Variants in ZNF821 observed in about 807,000 individuals in gnomAD.
ZNF821 encodes the protein zinc finger protein 821.
Under a neutral mutation model 44.3 loss-of-function variants are expected in ZNF821, and 16 were observed. The ratio of observed to expected loss-of-function variants is 0.36; its 90% CI spans 0.24 to 0.55. The LOEUF is 0.55. Ranked by LOEUF, ZNF821 falls within the 20% of genes least tolerant of loss-of-function variation. The probability of loss-of-function intolerance (pLI) is 0.86; values close to 1 mark genes in which losing one functional copy is unlikely to be tolerated. For synonymous variants in ZNF821, 204 were observed against 197.6 expected, an observed-to-expected ratio of 1.03 and a Z score of -0.27; for missense variants, 436 against 547.6, an observed-to-expected ratio of 0.80 and a Z score of 2.03.
At chr16:71,881,634 T>G (rs1187756874) in intron 2 of ZNF821, 4 of 152,272 alleles carry the variant, frequency 2.6e-5, no homozygotes, top group Non-Finnish European at 5.9e-5. Context: ...TATATGTGTG[T>G]GGAATCACCA....
At chr16:71,861,291 T>C (rs1207769126) in intron 7 of ZNF821, among the ~76,000 whole-genome samples, 1 of 152,230 alleles carries the variant, frequency 6.6e-6, no homozygotes, top group East Asian at 1.9e-4. Flanking sequence ...GCAGGGGCAG[T>C]CCTGCTGTGG....
upstream of ZNF821, among the ~76,000 whole-genome samples, chr16:71,889,119 T>G (rs560087190): frequency 1.7e-4 from 26 of 152,250 alleles, no homozygotes; most frequent in Non-Finnish European, 1.2e-4. Flanking sequence ...CATGGTGGCA[T>G]GTACCTGTAG....
intron 4 of ZNF821, 26 bp from the exon 5 acceptor site, chr16:71,865,074 T>C: frequency 6.2e-7 from 1 of 1,614,020 alleles, no homozygotes; most frequent in Non-Finnish European, 8.5e-7. Flanking sequence ...TGGTCACTTG[T>C]TCTGATTTTT....
chr16:71,870,911 T>C (rs1201254086), intron 3 of ZNF821, among the ~76,000 whole-genome samples: 2 of 152,198 alleles, frequency 1.3e-5, no homozygotes, highest in African/African-American at 4.8e-5. Flanking sequence ...AAGACCTTTC[T>C]CATCAGTGAT....
upstream of ZNF821, among the ~76,000 whole-genome samples, chr16:71,889,724 A>G (rs2036875609): frequency 6.6e-6 from 1 of 152,024 alleles, no homozygotes; most frequent in Admixed American, 6.6e-5. Flanking sequence ...AAACAAAAGA[A>G]AACCCGAAAA....
chr16:71,867,789 G>A, intron 4 of ZNF821, 123 bp downstream of exon 4: 1 of 1,323,390 alleles, frequency 7.6e-7, no homozygotes, highest in Non-Finnish European at 1.0e-6. Flanking sequence ...GGGACACTGA[G>A]GATCCACATA....
intron 1 of ZNF821, chr16:71,890,763 G>GTTTT (rs2036880763): frequency 9.2e-6 from 1 of 108,292 alleles, no homozygotes; most frequent in African/African-American, 4.5e-5. Context: ...TCCCCTTCCT[G>GTTTT]CTTTTTTTTT....
At chr16:71,887,676 T>G (rs978044212), upstream of ZNF821, among the ~76,000 whole-genome samples, 1 of 152,160 alleles carries the variant, frequency 6.6e-6, no homozygotes, top group African/African-American at 2.4e-5. Flanking sequence ...TGGTCAACAT[T>G]TGTTATTGTT....
At chr16:71,880,170 A>C in intron 2 of ZNF821, 147 bp from the exon 3 acceptor site, 1 of 447,890 alleles carries the variant, frequency 2.2e-6, no homozygotes, top group South Asian at 5.0e-5. Flanking sequence ...AAAGAAAGAA[A>C]TGAATAAATC....
chr16:71,880,659 A>T (rs1486463168), intron 2 of ZNF821, among the ~76,000 whole-genome samples: 1 of 152,256 alleles, frequency 6.6e-6, no homozygotes, highest in Non-Finnish European at 1.5e-5. Flanking sequence ...TCTAATGTTG[A>T]AGATGGGCTC....
upstream of ZNF821, among the ~76,000 whole-genome samples, chr16:71,888,676 G>T (rs1249312998): frequency 1.3e-5 from 2 of 152,032 alleles, no homozygotes; most frequent in Non-Finnish European, 2.9e-5. Context: ...ATAAAAATCT[G>T]ATATTTTAAA....
exon 1 of ZNF821, chr16:71,895,184 G>A (rs905852340): frequency 5.4e-5 from 12 of 220,336 alleles, no homozygotes; most frequent in South Asian, 1.7e-4. Context: ...GCCGGTTATG[G>A]AAGAATCCGG....
chr16:71,894,488 C>T (rs1326478497), intron 1 of ZNF821: 2 of 204,934 alleles, frequency 9.8e-6, no homozygotes, highest in Non-Finnish European at 2.0e-5. Flanking sequence ...TCAGGTGATA[C>T]ACCTGCCTCG....
At chr16:71,864,601 G>C (rs1157644338) in intron 5 of ZNF821, among the ~76,000 whole-genome samples, 3 of 152,258 alleles carry the variant, frequency 2.0e-5, no homozygotes, top group African/African-American at 7.2e-5. Flanking sequence ...ACATTCAAGA[G>C]TCCACCTTGG....
Position 71,864,832 on chromosome 16 carries a change from G to C in ZNF821, c.312+71C>G. On this transcript the variant is annotated intron_variant, in intron 5 of 7. Transcript: ENST00000425432. The stretch of plus-strand genomic sequence containing the variant: ...TCAGAGGCAAGACTGTGCCACAGGG[G>C]TGAGCAGCATCAGGGCAGGCAGAAG... The C allele has an allele frequency of 3.1e-6, 5 of 1,588,252 alleles. No individual in the cohort carries two copies. In the East Asian group the frequency reaches 1.1e-4, roughly 36 times the overall value.
chr16:71,877,207 A>G (rs1279031873), intron 3 of ZNF821, among the ~76,000 whole-genome samples: 1 of 152,220 alleles, frequency 6.6e-6, no homozygotes, highest in Non-Finnish European at 1.5e-5. Context: ...CTACTCTTGA[A>G]GTAACCCAGT....
chr16:71,873,886 C>T (rs2035503181), intron 3 of ZNF821, among the ~76,000 whole-genome samples: 1 of 151,502 alleles, frequency 6.6e-6, no homozygotes, highest in African/African-American at 2.4e-5. Flanking sequence ...CTCCTGGCCT[C>T]AAGCAATTCT....
At chr16:71,890,348 C>G (rs2036878341) in intron 1 of ZNF821, among the ~76,000 whole-genome samples, 1 of 151,382 alleles carries the variant, frequency 6.6e-6, no homozygotes, top group East Asian at 1.9e-4. Context: ...TCCCTTCTTT[C>G]TCTTACACAA....
chr16:71,869,677 C>T (rs1221634217), intron 3 of ZNF821, among the ~76,000 whole-genome samples: 1 of 152,062 alleles, frequency 6.6e-6, no homozygotes, highest in Admixed American at 6.6e-5. Flanking sequence ...TCATTCTCTC[C>T]TCCAGGCTAG....
Sources: allele counts gnomAD v4.1 joint callset (sites outside exome capture counted in the v4.1 genomes callset), GRCh38; gene constraint gnomAD v4.1.1; transcripts MANE v1.5; gene names NCBI Gene and HGNC (gene_info 2026-07-23, HGNC 2026-07-21).